The following PIP5K1B variants were observed in gnomAD, a reference collection of about 807,000 sequenced individuals.
The protein encoded by PIP5K1B is phosphatidylinositol-4-phosphate 5-kinase type 1 beta.
Under a neutral mutation model 67.0 loss-of-function variants are expected in PIP5K1B, and 42 were observed. The observed-to-expected ratio is 0.63, with a 90% CI of 0.49 to 0.81. The LOEUF (loss-of-function observed/expected upper bound fraction) is 0.81. Ranked by LOEUF, PIP5K1B falls within the 30% of genes least tolerant of loss-of-function variation. The pLI is 0.00. For missense variants in PIP5K1B, 459 were observed against 646.3 expected (o/e 0.71, Z 3.14); for synonymous variants, 214 against 231.4 (o/e 0.92, Z 0.68).
intron 6 of PIP5K1B, among the ~76,000 whole-genome samples, chr9:68,877,196 T>C (rs1283405583): frequency 2.6e-5 from 4 of 152,248 alleles, no homozygotes; most frequent in Non-Finnish European, 5.9e-5. Context: ...CACCTTGACC[T>C]ACAAATTTGA....
Position 68,846,463 on chromosome 9 carries a change from C to A in PIP5K1B, c.70-17374C>A, listed in dbSNP as rs114698868. On this transcript the variant is annotated intron_variant, in intron 4 of 15. Transcript: ENST00000265382. ...TTTAGAGAGAAGCCATTTTCCTCAT[C>A]CCTTCTTGATGTCATTCCTTAGTCC... is the stretch of plus-strand genomic sequence containing the variant. 5.3e-3 allele frequency among the ~76,000 whole-genome samples: 808 copies of A among 152,264 alleles called. 6 individuals are homozygous for A. The highest frequency in any genetic ancestry group is 0.018 in the African/African-American group (756 of 41,548).
In PIP5K1B at chr9:68,791,599, ATATAAT is replaced by A. The variant is rs1195258001; in HGVS notation, c.-85-26854_-85-26849del. Among the ~76,000 whole-genome samples, 26 of 152,320 alleles carry A rather than the reference ATATAAT, an allele frequency of 1.7e-4. No homozygotes were observed. In the East Asian group the frequency reaches 4.2e-3, roughly 25 times the overall value. ...TCCTCTTGGGGAAAAAAGGTAAATA[ATATAAT>A]TATAATTGTCAGGTTACTTTGAGTC... On this transcript the variant is annotated intron_variant, in intron 2 of 15. Transcript: ENST00000265382.
Position 68,726,774 on chromosome 9 carries a change from C to T in PIP5K1B, c.-242-15727C>T, listed in dbSNP as rs368254528. 2.2e-4 allele frequency among the ~76,000 whole-genome samples: 34 copies of T among 152,128 alleles called. No individual in the cohort carries two copies. The East Asian group carries it at 2.3e-3, about 10-fold the overall frequency. ...TCTTGCATTCTCATATGAGAGTTTC[C>T]GTTGCTTCAACTTTTTATGAACACA... On this transcript the variant is annotated intron_variant, in intron 1 of 15. Transcript: ENST00000265382.
chr9:68,835,030 G>A (rs146943031), intron 4 of PIP5K1B, among the ~76,000 whole-genome samples: 24 of 152,214 alleles, frequency 1.6e-4, no homozygotes, highest in Non-Finnish European at 3.4e-4. Flanking sequence ...TGTCAGGGGA[G>A]GTCAGGATTT....
At chr9:68,751,263 T>G (rs1374971330) in intron 2 of PIP5K1B, among the ~76,000 whole-genome samples, 1 of 152,236 alleles carries the variant, frequency 6.6e-6, no homozygotes, top group Non-Finnish European at 1.5e-5. Context: ...TTGGTAGTTG[T>G]AATTTTATGA....
At chr9:68,826,207 C>T (rs539413088) in intron 4 of PIP5K1B, among the ~76,000 whole-genome samples, 2 of 152,268 alleles carry the variant, frequency 1.3e-5, no homozygotes, top group African/African-American at 4.8e-5. Flanking sequence ...TGGAGTATTT[C>T]CATTATCAGT....
intron 14 of PIP5K1B, among the ~76,000 whole-genome samples, chr9:68,945,237 C>T (rs572442253): frequency 1.4e-4 from 22 of 152,252 alleles, no homozygotes; most frequent in Admixed American, 1.4e-3. Flanking sequence ...GCTCCGCCTC[C>T]AGGGTACAAG....
At chr9:68,771,631 A>G (rs1830674577) in intron 2 of PIP5K1B, among the ~76,000 whole-genome samples, 1 of 152,236 alleles carries the variant, frequency 6.6e-6, no homozygotes, top group Non-Finnish European at 1.5e-5. Flanking sequence ...GTTAATATAC[A>G]CAAAATACTT....
intron 14 of PIP5K1B, among the ~76,000 whole-genome samples, chr9:68,968,646 T>A (rs1292150709): frequency 6.6e-6 from 1 of 151,938 alleles, no homozygotes; most frequent in East Asian, 1.9e-4. Flanking sequence ...CTCTTTTTTT[T>A]ATCTTAGCAT....
At chr9:68,813,423 A>C (rs1833271945) in intron 2 of PIP5K1B, among the ~76,000 whole-genome samples, 1 of 152,246 alleles carries the variant, frequency 6.6e-6, no homozygotes, top group Non-Finnish European at 1.5e-5. Flanking sequence ...AAATATTCCA[A>C]GTATCTCTAC....
intron 1 of PIP5K1B, among the ~76,000 whole-genome samples, chr9:68,710,660 G>C (rs1237198381): frequency 1.3e-5 from 2 of 152,192 alleles, no homozygotes; most frequent in African/African-American, 2.4e-5. Context: ...GAAACAGAGT[G>C]ATTGGGACAA....
At chr9:68,727,114 T>G (rs185458464) in intron 1 of PIP5K1B, among the ~76,000 whole-genome samples, 1 of 152,262 alleles carries the variant, frequency 6.6e-6, no homozygotes, top group East Asian at 1.9e-4. Flanking sequence ...GCAAATAAAT[T>G]AAACAGAAGA....
At chr9:68,992,325 G>A (rs1009715522) in intron 15 of PIP5K1B, among the ~76,000 whole-genome samples, 1 of 152,108 alleles carries the variant, frequency 6.6e-6, no homozygotes, top group East Asian at 1.9e-4. Flanking sequence ...GTTTTTTTAA[G>A]TTTTGCTAAA....
intron 15 of PIP5K1B, among the ~76,000 whole-genome samples, chr9:69,000,697 C>T (rs1262814943): frequency 6.6e-6 from 1 of 152,158 alleles, no homozygotes; most frequent in African/African-American, 2.4e-5. Context: ...AACCTGTGGC[C>T]TCGTTTTAAT....
intron 2 of PIP5K1B, chr9:68,780,519 G>A (rs771466532): frequency 6.2e-7 from 1 of 1,614,206 alleles, no homozygotes; most frequent in South Asian, 1.1e-5. Flanking sequence ...CTCCTGGGAG[G>A]AAAGTTTCAG....
At chr9:68,934,148 C>T (rs1268844951) in intron 12 of PIP5K1B, among the ~76,000 whole-genome samples, 2 of 152,212 alleles carry the variant, frequency 1.3e-5, no homozygotes, top group Non-Finnish European at 2.9e-5. Context: ...GATGGCCTTG[C>T]TGCCGCTTAA....
intron 2 of PIP5K1B, among the ~76,000 whole-genome samples, chr9:68,762,557 A>C (rs1333582645): frequency 6.6e-6 from 1 of 152,162 alleles, no homozygotes; most frequent in Non-Finnish European, 1.5e-5. Context: ...ATTCATTGTT[A>C]ACATTTAAAG....
chr9:68,794,929 G>A (rs76155305), intron 2 of PIP5K1B, among the ~76,000 whole-genome samples: 1,920 of 152,250 alleles, frequency 0.013, 40 homozygotes, highest in African/African-American at 0.043. Context: ...TTACAAAAGA[G>A]GACTGAGGGA....
At chr9:68,787,468 CTT>C (rs2132482855) in intron 2 of PIP5K1B, among the ~76,000 whole-genome samples, 1 of 152,274 alleles carries the variant, frequency 6.6e-6, no homozygotes, top group South Asian at 2.1e-4. Context: ...CCCATCCCTC[CTT>C]AATACAGAAT....
Sources: gnomAD v4.1 joint callset for allele counts (sites outside exome capture counted in the v4.1 genomes callset) on GRCh38, gnomAD v4.1.1 for gene constraint, MANE v1.5 for transcripts, NCBI Gene and HGNC (gene_info 2026-07-23, HGNC 2026-07-21) for gene names.